Variants in CFAP251 observed in about 807,000 individuals in gnomAD.
CFAP251 encodes cilia and flagella associated protein 251, also known as cilia- and flagella-associated protein 251.
In CFAP251, 93 loss-of-function variants were observed where a neutral mutation model predicts 126.7. That is an observed-to-expected ratio of 0.73 (90% CI 0.62 to 0.87). CFAP251 has a LOEUF of 0.87. Among genes scored for constraint, CFAP251 ranks in the 40% least tolerant of loss-of-function variants. CFAP251 has a pLI of 0.00. For synonymous variants in CFAP251, 503 were observed against 506.9 expected (o/e 0.99, Z 0.10); for missense variants, 1,287 against 1,389.2 (o/e 0.93, Z 1.17).
chr12:121,934,224 G>A (rs780003379), intron 4 of CFAP251, 23 bp from the exon 5 acceptor site: 6 of 1,600,584 alleles, frequency 3.7e-6, no homozygotes, highest in East Asian at 2.2e-5. Flanking sequence ...ATGTTTCAAA[G>A]CGTTTTCTCT....
chr12:121,960,082 G>A (rs562691746), intron 13 of CFAP251, among the ~76,000 whole-genome samples: 3 of 152,168 alleles, frequency 2.0e-5, no homozygotes, highest in Admixed American at 1.3e-4. Flanking sequence ...GCAGTGAGCC[G>A]TGATCAGGCC....
chr12:121,935,750 T>C (rs991075759), intron 5 of CFAP251, among the ~76,000 whole-genome samples: 2 of 152,102 alleles, frequency 1.3e-5, no homozygotes, highest in Admixed American at 6.5e-5. Flanking sequence ...CCAGTCCAGG[T>C]GGTGAGGGGA....
intron 15 of CFAP251, among the ~76,000 whole-genome samples, chr12:121,966,089 A>G (rs1285205128): frequency 2.7e-5 from 4 of 149,666 alleles, no homozygotes; most frequent in Non-Finnish European, 4.4e-5. Context: ...CGTTCTGCCC[A>G]TGACCAGAGT....
intron 3 of CFAP251, among the ~76,000 whole-genome samples, chr12:121,928,672 A>ATATACG (rs1565902683): frequency 0.099 from 1,912 of 19,248 alleles, 85 homozygotes; most frequent in Middle Eastern, 0.17. Flanking sequence ...ATATATACGT[A>ATATACG]TATATATATA....
chr12:122,001,671 T>C (rs1883155225), intron 21 of CFAP251, 73 bp downstream of exon 21: 7 of 1,211,204 alleles, frequency 5.8e-6, no homozygotes, highest in Non-Finnish European at 8.6e-6. Flanking sequence ...TACATTTATT[T>C]CTCCTGATCG....
At chr12:121,962,670 G>A (rs1200484491) in intron 15 of CFAP251, among the ~76,000 whole-genome samples, 1 of 150,334 alleles carries the variant, frequency 6.7e-6, no homozygotes, top group Non-Finnish European at 1.5e-5. Context: ...AAGGTAGTAG[G>A]TATGTGGTAA....
At chr12:121,970,939 T>G (rs1396031288) in intron 17 of CFAP251, among the ~76,000 whole-genome samples, 1 of 152,184 alleles carries the variant, frequency 6.6e-6, no homozygotes, top group Non-Finnish European at 1.5e-5. Context: ...GAAATGCCAG[T>G]ACAGCCCCCT....
chr12:121,935,696 C>G (rs1880865601), intron 5 of CFAP251, among the ~76,000 whole-genome samples: 1 of 152,180 alleles, frequency 6.6e-6, no homozygotes, highest in Non-Finnish European at 1.5e-5. Flanking sequence ...CCTTCTTAAC[C>G]TGGGGGTAAA....
At position 121,989,488 on chromosome 12, in the gene CFAP251, G is replaced by A. The variant is rs1882825285; in HGVS notation, c.3007-10228G>A. Reference sequence around the variant, plus strand: ...ATGGAGCAGTTGGGGTCACAGTGTTGCATGAATCGCAGAGGGGGCGCTCAC... The same window carrying A: ...ATGGAGCAGTTGGGGTCACAGTGTTACATGAATCGCAGAGGGGGCGCTCAC... On this transcript the variant is annotated intron_variant, in intron 19 of 21. Transcript: ENST00000288912. This position sits in a 1 kb window ranked among gnomAD's most constrained non-coding sequence, Gnocchi z 4.2. Among the ~76,000 whole-genome samples, 2 of 152,194 alleles carry A rather than the reference G, an allele frequency of 1.3e-5. No individual in the cohort carries two copies. Among genetic ancestry groups the A allele is most frequent in the South Asian group, 4.1e-4 (2 of 4,836 alleles).
chr12:121,925,485 G>A (rs924628243), intron 3 of CFAP251, among the ~76,000 whole-genome samples: 3 of 152,142 alleles, frequency 2.0e-5, no homozygotes, highest in South Asian at 2.1e-4. Context: ...TGACGATGAC[G>A]GTGGCAAGAC....
At chr12:121,938,603 T>C (rs773751459) in intron 5 of CFAP251, among the ~76,000 whole-genome samples, 9 of 150,512 alleles carry the variant, frequency 6.0e-5, no homozygotes, top group Non-Finnish European at 1.2e-4. Flanking sequence ...GTGCTGGGAT[T>C]ACAGGCGTGA....
chr12:121,927,125 A>T (rs1037388826), intron 3 of CFAP251, among the ~76,000 whole-genome samples: 7 of 151,272 alleles, frequency 4.6e-5, no homozygotes, highest in African/African-American at 1.7e-4. Context: ...GTGCATGTAC[A>T]ACATGTTATC....
At chr12:121,952,119 T>C (rs1881550472) in intron 9 of CFAP251, among the ~76,000 whole-genome samples, 3 of 151,266 alleles carry the variant, frequency 2.0e-5, no homozygotes, top group Non-Finnish European at 2.9e-5. Context: ...GAATGAAAGT[T>C]GTGGGGGTGC....
Position 121,942,967 on chromosome 12 carries a change from G to A in CFAP251, c.1183G>A (p.Gly395Ser), listed in dbSNP as rs780746203. 1.4e-5 allele frequency: 23 copies of A among 1,614,128 alleles called. No individual in the cohort carries two copies. The highest frequency in any genetic ancestry group is 1.6e-4 in the Middle Eastern group (1 of 6,062). Residue 395 changes from glycine (G) to serine (S), a missense_variant, in exon 7 of 22, where the codon GGT becomes AGT. Gly to Ser is a moderately conservative substitution (Grantham distance 56, BLOSUM62 0). Coordinates refer to ENST00000288912, the MANE Select transcript of CFAP251 (RefSeq NM_144668.6). ...ACTLELPTEY[G>S]VQNYVTFNPT... is the part of the protein sequence containing the mutation. ...CACTCTCGAACTCCCCACAGAGTAC[G>A]GTGTTCAGGTGAGTTCAGTTGGAGC...
intron 8 of CFAP251, chr12:121,949,486 T>G (rs1565909681): frequency 2.6e-5 from 4 of 151,772 alleles, no homozygotes. Flanking sequence ...AGCAGGTTTT[T>G]TTTTTTTTTT....
intron 2 of CFAP251, among the ~76,000 whole-genome samples, chr12:121,923,138 C>T (rs904276346): frequency 6.6e-6 from 1 of 151,394 alleles, no homozygotes; most frequent in Non-Finnish European, 1.5e-5. Context: ...CCCTCTCCTC[C>T]CCTTCCTGTC....
intron 3 of CFAP251, among the ~76,000 whole-genome samples, chr12:121,926,917 C>T (rs896659115): frequency 2.0e-5 from 3 of 152,286 alleles, no homozygotes; most frequent in African/African-American, 7.2e-5. Context: ...GCACTTCAGC[C>T]TGGGTAATAG....
chr12:121,924,116 GTGT>G, intron 3 of CFAP251, 126 bp downstream of exon 3: 1 of 1,096,972 alleles, frequency 9.1e-7, no homozygotes, highest in Non-Finnish European at 1.2e-6. Flanking sequence ...TAATAGACTT[GTGT>G]TTTTTTTTTT....
chr12:121,946,408 T>C (rs1881327983), intron 7 of CFAP251, among the ~76,000 whole-genome samples: 1 of 152,252 alleles, frequency 6.6e-6, no homozygotes, highest in Non-Finnish European at 1.5e-5. Flanking sequence ...TATAGAATTC[T>C]AGAGTGGTAG....
Sources: gnomAD v4.1 joint callset for allele counts (sites outside exome capture counted in the v4.1 genomes callset) on GRCh38, gnomAD v4.1.1 for gene constraint, Gnocchi (gnomAD v3.1) non-coding constraint, MANE v1.5 for transcripts, NCBI Gene and HGNC (gene_info 2026-07-23, HGNC 2026-07-21) for gene names.